Variants in TENM2 observed in about 807,000 individuals in gnomAD.
The protein encoded by TENM2 is teneurin-2.
TENM2 carries 52 observed loss-of-function variants against 245.2 expected under a neutral mutation model. That is an observed-to-expected ratio of 0.21 (90% CI 0.17 to 0.27). The LOEUF (loss-of-function observed/expected upper bound fraction) is 0.27, where lower values mean the gene tolerates loss of function less well. TENM2 is among the 10% of genes least tolerant of loss of function. TENM2 has a pLI of 1.00. For missense variants in TENM2, 3,046 were observed against 3,666.8 expected (o/e 0.83, Z 4.37); for synonymous variants, 1,363 against 1,438.9 (o/e 0.95, Z 1.19).
the TENM2 span, among the ~76,000 whole-genome samples, chr5:167,063,525 A>G: frequency 8.5e-5 from 13 of 152,106 alleles, no homozygotes; most frequent in African/African-American, 3.1e-4. Context: ...TATGTCTGCT[A>G]TTAGGCCAGG....
chr5:167,402,771 C>A (rs994083237), intron 2 of TENM2, among the ~76,000 whole-genome samples: 1 of 152,044 alleles, frequency 6.6e-6, no homozygotes, highest in Non-Finnish European at 1.5e-5. Flanking sequence ...GATTTTCAAA[C>A]GAAAACTGCT....
intron 2 of TENM2, among the ~76,000 whole-genome samples, chr5:167,602,025 A>G (rs1473451848): frequency 2.5e-5 from 1 of 40,592 alleles, no homozygotes; most frequent in South Asian, 7.3e-4. Context: ...TATTGGATAG[A>G]AAAAAAAAAA....
chr5:167,894,329 C>T (rs1033627045), intron 3 of TENM2, among the ~76,000 whole-genome samples: 2 of 152,178 alleles, frequency 1.3e-5, no homozygotes, highest in South Asian at 2.1e-4. Context: ...CAAACCAGCA[C>T]GTTTAATAAA....
chr5:167,555,408 A>G (rs546375679), intron 2 of TENM2, among the ~76,000 whole-genome samples: 1 of 152,170 alleles, frequency 6.6e-6, no homozygotes, highest in South Asian at 2.1e-4. Context: ...ATTCATATTC[A>G]ATATTATATT....
At chr5:168,047,007 G>A (rs1788662245) in intron 5 of TENM2, among the ~76,000 whole-genome samples, 1 of 152,210 alleles carries the variant, frequency 6.6e-6, no homozygotes, top group African/African-American at 2.4e-5. Flanking sequence ...TGAGTGTATA[G>A]TTTGGGGAAA....
intron 2 of TENM2, among the ~76,000 whole-genome samples, chr5:167,848,307 C>G (rs1036533532): frequency 2.0e-5 from 3 of 152,116 alleles, no homozygotes; most frequent in African/African-American, 7.2e-5. Context: ...CCATAATGAT[C>G]AGCTAGGCAA....
intron 2 of TENM2, among the ~76,000 whole-genome samples, chr5:167,698,679 G>GTTTTTTTTTTTTTTTTTTTTTTTTTT (rs1225922111): frequency 2.0e-5 from 2 of 97,756 alleles, no homozygotes; most frequent in African/African-American, 8.4e-5. Context: ...TTTGTTTTTT[G>GTTTTTTTTTTTTTTTTTTTTTTTTTT]TTTTTTTTTT....
At chr5:167,989,956 C>A (rs898816926) in intron 4 of TENM2, among the ~76,000 whole-genome samples, 3 of 152,136 alleles carry the variant, frequency 2.0e-5, no homozygotes, top group Non-Finnish European at 2.9e-5. Context: ...AGAAATGGAG[C>A]TTTGGAGACT....
At chr5:167,147,897 A>T in the TENM2 span, among the ~76,000 whole-genome samples, 5 of 152,134 alleles carry the variant, frequency 3.3e-5, no homozygotes, top group African/African-American at 1.2e-4. Flanking sequence ...AAGCCTCCTT[A>T]TTCTTGGAGT....
chr5:167,833,722 GA>G (rs1003753051), intron 2 of TENM2, among the ~76,000 whole-genome samples: 1 of 152,128 alleles, frequency 6.6e-6, no homozygotes, highest in African/African-American at 2.4e-5. Flanking sequence ...GTCACTAACT[GA>G]AAAAAATGTT....
At chr5:167,317,431 C>A (rs990656702) in intron 1 of TENM2, among the ~76,000 whole-genome samples, 1 of 151,996 alleles carries the variant, frequency 6.6e-6, no homozygotes, top group East Asian at 1.9e-4. Flanking sequence ...ATGAAAAGAC[C>A]AACTCATCAA....
chr5:168,127,244 G>T (rs1226081606), intron 12 of TENM2, among the ~76,000 whole-genome samples: 1 of 152,222 alleles, frequency 6.6e-6, no homozygotes, highest in African/African-American at 2.4e-5. Flanking sequence ...ATGGGAAACT[G>T]TCGGTGTCTG....
At chr5:167,666,414 T>C (rs1755580518) in intron 2 of TENM2, among the ~76,000 whole-genome samples, 1 of 152,196 alleles carries the variant, frequency 6.6e-6, no homozygotes, top group African/African-American at 2.4e-5. Flanking sequence ...CGAGTAAACT[T>C]CCCAGTTTAC....
the TENM2 span, among the ~76,000 whole-genome samples, chr5:167,212,060 G>A: frequency 6.6e-6 from 1 of 152,094 alleles, no homozygotes; most frequent in African/African-American, 2.4e-5. Context: ...TCAGACATTG[G>A]TGTCTCATTG....
intron 25 of TENM2, among the ~76,000 whole-genome samples, chr5:168,234,155 G>C (rs1765203826): frequency 6.6e-6 from 1 of 151,982 alleles, no homozygotes; most frequent in South Asian, 2.1e-4. Flanking sequence ...CATTGCGGGG[G>C]TGGGGGGTGG....
At chr5:167,828,533 C>A (rs1177554611) in intron 2 of TENM2, among the ~76,000 whole-genome samples, 1 of 152,202 alleles carries the variant, frequency 6.6e-6, no homozygotes, top group East Asian at 1.9e-4. Context: ...AAGTAACTGA[C>A]ACTTAATATA....
chr5:167,764,780 G>A (rs558409155), intron 2 of TENM2, among the ~76,000 whole-genome samples: 15 of 152,166 alleles, frequency 9.9e-5, no homozygotes, highest in Non-Finnish European at 1.9e-4. Context: ...ACTTGCCCAC[G>A]GGGAGCTCTC....
intron 2 of TENM2, among the ~76,000 whole-genome samples, chr5:167,779,188 T>A (rs575104112): frequency 1.5e-3 from 227 of 152,274 alleles, no homozygotes; most frequent in Admixed American, 2.3e-3. Context: ...CTGGAGGGTG[T>A]TTTGTGCTGC....
chr5:167,982,900 T>C (rs1476129972), intron 4 of TENM2, among the ~76,000 whole-genome samples: 1 of 152,198 alleles, frequency 6.6e-6, no homozygotes, highest in Non-Finnish European at 1.5e-5. Flanking sequence ...GTCTGAATGG[T>C]CCAGACACTA....
Sources: gnomAD v4.1 joint callset for allele counts (sites outside exome capture counted in the v4.1 genomes callset) on GRCh38, gnomAD v4.1.1 for gene constraint, MANE v1.5 for transcripts, NCBI Gene and HGNC (gene_info 2026-07-23, HGNC 2026-07-21) for gene names.